Variants in PHF20 observed in about 807,000 individuals in gnomAD.
PHF20 encodes the protein glioma-expressed antigen 2.
PHF20 carries 23 observed loss-of-function variants against 113.5 expected under a neutral mutation model. The ratio of observed to expected loss-of-function variants is 0.20; its 90% CI spans 0.15 to 0.29. PHF20 has a LOEUF of 0.29. Ranked by LOEUF, PHF20 falls within the 10% of genes least tolerant of loss-of-function variation. The pLI is 1.00. For synonymous variants in PHF20, 434 were observed against 457.3 expected, an observed-to-expected ratio of 0.95 and a Z score of 0.65; for missense variants, 943 against 1,219.6, an observed-to-expected ratio of 0.77 and a Z score of 3.38.
chr20:35,850,761 A>G (rs2042716379), intron 4 of PHF20: 1 of 633,382 alleles, frequency 1.6e-6, no homozygotes, highest in Non-Finnish European at 2.9e-6. Flanking sequence ...ATATGTCCAC[A>G]TAGCAATACA....
At chr20:35,866,196 C>T (rs775310401) in intron 6 of PHF20, among the ~76,000 whole-genome samples, 18 of 151,946 alleles carry the variant, frequency 1.2e-4, no homozygotes, top group East Asian at 1.9e-4. Flanking sequence ...GGTGACAGAG[C>T]GAGACTCCAT....
intron 9 of PHF20, among the ~76,000 whole-genome samples, chr20:35,873,466 G>GTTTTTTTTT (rs759056358): frequency 1.8e-4 from 15 of 82,328 alleles, no homozygotes; most frequent in Non-Finnish European, 2.2e-4. Context: ...CTGTTTTTTT[G>GTTTTTTTTT]TTTTTTTTTT....
chr20:35,881,212 C>G (rs1319839311), intron 9 of PHF20, among the ~76,000 whole-genome samples: 1 of 151,540 alleles, frequency 6.6e-6, no homozygotes, highest in African/African-American at 2.4e-5. Context: ...CACGTGCTAC[C>G]ATGCCCGACT....
chr20:35,855,244 A>G, intron 4 of PHF20: 2 of 1,333,778 alleles, frequency 1.5e-6, no homozygotes, highest in South Asian at 2.4e-5. Flanking sequence ...TTGCTTGCCA[A>G]CACCCTGACA....
At chr20:35,902,994 T>C (rs1290138290) in intron 10 of PHF20, among the ~76,000 whole-genome samples, 2 of 151,276 alleles carry the variant, frequency 1.3e-5, no homozygotes, top group African/African-American at 4.9e-5. Flanking sequence ...TTAAGAAGCC[T>C]GAGTGACTGA....
At chr20:35,942,346 A>G (rs190928651) in intron 17 of PHF20, among the ~76,000 whole-genome samples, 1 of 152,334 alleles carries the variant, frequency 6.6e-6, no homozygotes, top group East Asian at 1.9e-4. Context: ...GAAGGAGGAT[A>G]TAATGTTAGA....
chr20:35,915,513 A>G (rs2055388682), intron 12 of PHF20, among the ~76,000 whole-genome samples: 1 of 151,748 alleles, frequency 6.6e-6, no homozygotes, highest in African/African-American at 2.4e-5. Flanking sequence ...CAACCTCCCA[A>G]GTTGCTGGGA....
At chr20:35,877,737 A>G (rs1390696580) in intron 9 of PHF20, among the ~76,000 whole-genome samples, 1 of 152,100 alleles carries the variant, frequency 6.6e-6, no homozygotes, top group Non-Finnish European at 1.5e-5. Flanking sequence ...TTGATACTCT[A>G]CAAGAAGCAC....
At chr20:35,845,250 T>C (rs1489888259) in intron 3 of PHF20, 2 of 152,038 alleles carry the variant, frequency 1.3e-5, no homozygotes, top group African/African-American at 4.8e-5. Flanking sequence ...TTTTTAATTT[T>C]ATTTATTAAT....
chr20:35,805,508 G>A (rs1048081232), intron 2 of PHF20, among the ~76,000 whole-genome samples: 1 of 151,408 alleles, frequency 6.6e-6, no homozygotes, highest in Non-Finnish European at 1.5e-5. Context: ...TTAGCTTCCC[G>A]GCTAATTTTT....
intron 1 of PHF20, among the ~76,000 whole-genome samples, chr20:35,795,064 C>T (rs1388946583): frequency 6.6e-6 from 1 of 151,796 alleles, no homozygotes; most frequent in African/African-American, 2.4e-5. Context: ...TGGTGGTGTG[C>T]TCCTGTAATC....
intron 9 of PHF20, chr20:35,887,932 C>T (rs1460397810): frequency 2.0e-5 from 3 of 151,420 alleles, no homozygotes; most frequent in Non-Finnish European, 2.9e-5. Flanking sequence ...TTTAACTCCA[C>T]ACCCTCCCCC....
intron 10 of PHF20, among the ~76,000 whole-genome samples, chr20:35,905,031 G>C (rs1247164369): frequency 6.6e-6 from 1 of 151,824 alleles, no homozygotes; most frequent in Non-Finnish European, 1.5e-5. Context: ...CTCCGTGTTG[G>C]TCAGGCTGGT....
intron 2 of PHF20, among the ~76,000 whole-genome samples, chr20:35,816,279 C>T (rs941264703): frequency 6.6e-6 from 1 of 151,574 alleles, no homozygotes; most frequent in African/African-American, 2.4e-5. Flanking sequence ...CCTAATCATA[C>T]TTTAACCTAC....
chr20:35,945,047 T>G (rs1293452944), intron 17 of PHF20, among the ~76,000 whole-genome samples: 3 of 152,194 alleles, frequency 2.0e-5, no homozygotes, highest in African/African-American at 7.2e-5. Context: ...GGTGGTCTTA[T>G]TTTTCTTATT....
intron 10 of PHF20, among the ~76,000 whole-genome samples, chr20:35,912,746 C>T (rs1349591091): frequency 1.3e-5 from 2 of 152,064 alleles, no homozygotes; most frequent in East Asian, 1.9e-4. Context: ...GCAGGAGAAT[C>T]GCTTGAACCC....
chr20:35,803,401 G>T (rs2041821382), intron 2 of PHF20, among the ~76,000 whole-genome samples: 1 of 149,964 alleles, frequency 6.7e-6, no homozygotes, highest in African/African-American at 2.5e-5. Flanking sequence ...TCGGCTCACT[G>T]CAGTCTTTGC....
chr20:35,787,216 G>C (rs766031988), intron 1 of PHF20, among the ~76,000 whole-genome samples: 1 of 151,664 alleles, frequency 6.6e-6, no homozygotes, highest in Non-Finnish European at 1.5e-5. Context: ...TTTCACTCTT[G>C]TTGCCCAGGC....
At chr20:35,802,168 G>A (rs1208589498) in intron 2 of PHF20, among the ~76,000 whole-genome samples, 1 of 152,098 alleles carries the variant, frequency 6.6e-6, no homozygotes. Context: ...ATCTATAAAT[G>A]TGGGTATTGG....
Sources: allele counts gnomAD v4.1 joint callset (sites outside exome capture counted in the v4.1 genomes callset), GRCh38; gene constraint gnomAD v4.1.1; transcripts MANE v1.5; gene names NCBI Gene and HGNC (gene_info 2026-07-23, HGNC 2026-07-21).